Variants in AMPH observed in about 807,000 individuals in gnomAD.
The protein encoded by AMPH is amphiphysin (Stiff-Mann syndrome with breast cancer 128kD autoantigen).
In AMPH, 49 loss-of-function variants were observed where a neutral mutation model predicts 99.1. That is an observed-to-expected ratio of 0.49 (90% CI 0.39 to 0.63). The LOEUF is 0.63. Among genes scored for constraint, AMPH ranks in the 20% least tolerant of loss-of-function variants. The pLI is 0.00. For synonymous variants in AMPH, 314 were observed against 317.3 expected, an observed-to-expected ratio of 0.99 and a Z score of 0.11; for missense variants, 759 against 863.4, an observed-to-expected ratio of 0.88 and a Z score of 1.52.
intron 11 of AMPH, among the ~76,000 whole-genome samples, chr7:38,456,432 A>T (rs1037873804): frequency 6.6e-6 from 1 of 152,064 alleles, no homozygotes; most frequent in Non-Finnish European, 1.5e-5. Flanking sequence ...CAATCTTGTC[A>T]CCCCAGTGCT....
chr7:38,454,322 T>C (rs1345733803), intron 11 of AMPH, among the ~76,000 whole-genome samples: 2 of 152,218 alleles, frequency 1.3e-5, no homozygotes, highest in Non-Finnish European at 2.9e-5. Flanking sequence ...ATAATCGGCA[T>C]ATTACGCATA....
At position 38,624,747 on chromosome 7, in the gene AMPH, A is replaced by T. The variant is rs149958060; in HGVS notation, c.69+6536T>A. 9.2e-5 allele frequency among the ~76,000 whole-genome samples: 14 copies of T among 152,258 alleles called. No individual in the cohort carries two copies. In the East Asian group the frequency reaches 2.7e-3, roughly 29 times the overall value. On this transcript the variant is annotated intron_variant, in intron 1 of 20. Coordinates refer to ENST00000356264, the MANE Select transcript of AMPH (RefSeq NM_001635.4). ...TAAATAAAAAGGCATTTCGTTAAAC[A>T]TGGCAGGCTGACTGCATGTGCTTAT...
intron 8 of AMPH, 68 bp from the exon 9 acceptor site, chr7:38,465,617 C>T (rs1221226496): frequency 7.2e-7 from 1 of 1,393,544 alleles, no homozygotes; most frequent in Non-Finnish European, 9.9e-7. Context: ...GCTATTCTCC[C>T]CAAGAAAGAA....
intron 1 of AMPH, among the ~76,000 whole-genome samples, chr7:38,595,108 A>C (rs540119534): frequency 6.6e-6 from 1 of 152,284 alleles, no homozygotes; most frequent in Admixed American, 6.5e-5. Flanking sequence ...CTCCATGACC[A>C]GGGAGGGACA....
rs1000985821 is a variant in AMPH, at chr7:38,402,270, A to C, written c.1399-8056T>G. On this transcript the variant is annotated intron_variant, in intron 17 of 20. Coordinates refer to ENST00000356264, the MANE Select transcript of AMPH (RefSeq NM_001635.4). ...TTGAGTTTTACTGACAACAAAAAGG[A>C]AGGCAATTTTCAAATTTTGTCTTTG... Among the ~76,000 whole-genome samples the C allele has an allele frequency of 2.0e-5, 3 of 152,168 alleles. No homozygotes were observed. The East Asian group carries it at 5.8e-4, about 29-fold the overall frequency.
At chr7:38,500,584 G>A (rs1789099439) in intron 3 of AMPH, among the ~76,000 whole-genome samples, 1 of 152,158 alleles carries the variant, frequency 6.6e-6, no homozygotes, top group Admixed American at 6.5e-5. Flanking sequence ...CAAAGAGGCA[G>A]CATAGACCAA....
chr7:38,570,248 G>A (rs1791893533), intron 1 of AMPH, among the ~76,000 whole-genome samples: 1 of 152,140 alleles, frequency 6.6e-6, no homozygotes, highest in Admixed American at 6.5e-5. Context: ...ACTTGATGGT[G>A]AGGCCAGTCT....
chr7:38,569,594 A>G (rs917202992), intron 1 of AMPH, among the ~76,000 whole-genome samples: 26 of 152,038 alleles, frequency 1.7e-4, no homozygotes, highest in African/African-American at 6.3e-4. Context: ...TTTATAATAA[A>G]TTGATATAAC....
intron 1 of AMPH, among the ~76,000 whole-genome samples, chr7:38,630,279 A>C (rs1304368414): frequency 2.6e-5 from 4 of 152,218 alleles, no homozygotes; most frequent in Non-Finnish European, 5.9e-5. Flanking sequence ...TACAATATAA[A>C]GGAAATGTCC....
At chr7:38,469,285 A>T (rs1340260236) in intron 7 of AMPH, among the ~76,000 whole-genome samples, 1 of 151,386 alleles carries the variant, frequency 6.6e-6, no homozygotes, top group Non-Finnish European at 1.5e-5. Context: ...AGACATCACC[A>T]TTTCCCCAAA....
chr7:38,421,074 C>T (rs1490042116), intron 16 of AMPH: 1 of 456,432 alleles, frequency 2.2e-6, no homozygotes, highest in Non-Finnish European at 4.4e-6. Flanking sequence ...CATGACAAAG[C>T]TAAGTTCCCC....
chr7:38,420,640 A>C (rs1293830073), intron 16 of AMPH, among the ~76,000 whole-genome samples: 2 of 152,174 alleles, frequency 1.3e-5, no homozygotes, highest in Admixed American at 1.3e-4. Flanking sequence ...CTTTGTGATA[A>C]GATGAAAGGC....
intron 11 of AMPH, among the ~76,000 whole-genome samples, chr7:38,445,050 A>G (rs1459893521): frequency 3.4e-5 from 5 of 145,162 alleles, no homozygotes; most frequent in African/African-American, 1.0e-4. Flanking sequence ...ATACATATAT[A>G]GATGGTATAT....
At chr7:38,462,292 A>C (rs918456552) in intron 10 of AMPH, among the ~76,000 whole-genome samples, 5 of 152,194 alleles carry the variant, frequency 3.3e-5, no homozygotes, top group African/African-American at 1.2e-4. Flanking sequence ...TTAACTTGCA[A>C]TATTTTCTAC....
intron 1 of AMPH, among the ~76,000 whole-genome samples, chr7:38,589,821 A>G (rs770332467): frequency 6.6e-6 from 1 of 152,202 alleles, no homozygotes; most frequent in Non-Finnish European, 1.5e-5. Flanking sequence ...CAGAAAGGGC[A>G]CCTGTGAACA....
At chr7:38,489,504 A>G (rs1788640999) in intron 5 of AMPH, among the ~76,000 whole-genome samples, 1 of 152,148 alleles carries the variant, frequency 6.6e-6, no homozygotes, top group African/African-American at 2.4e-5. Flanking sequence ...GATAGGCAAC[A>G]AAAGCAAAAA....
intron 1 of AMPH, among the ~76,000 whole-genome samples, chr7:38,558,329 C>T (rs891111291): frequency 8.5e-5 from 13 of 152,182 alleles, no homozygotes; most frequent in African/African-American, 2.2e-4. Context: ...CACCCACAGG[C>T]GACAGAAGCA....
chr7:38,474,217 G>A (rs1788000962), intron 7 of AMPH, among the ~76,000 whole-genome samples: 1 of 151,710 alleles, frequency 6.6e-6, no homozygotes, highest in Non-Finnish European at 1.5e-5. Flanking sequence ...AAGCTTTGAG[G>A]TTTCGGAACC....
chr7:38,494,655 C>T (rs577937476), intron 3 of AMPH, 128 bp from the exon 4 acceptor site: 2 of 740,094 alleles, frequency 2.7e-6, no homozygotes, highest in Middle Eastern at 2.5e-4. Flanking sequence ...ACTATAAAGG[C>T]ACAACTGCTG....
Sources: allele counts gnomAD v4.1 joint callset (sites outside exome capture counted in the v4.1 genomes callset), GRCh38; gene constraint gnomAD v4.1.1; transcripts MANE v1.5; gene names NCBI Gene and HGNC (gene_info 2026-07-23, HGNC 2026-07-21).